ASB14: variants seen among roughly 807,000 people sequenced by gnomAD.
ASB14 encodes the protein ankyrin repeat and SOCS box protein 14.
Under a neutral mutation model 55.6 loss-of-function variants are expected in ASB14, and 63 were observed. The observed-to-expected ratio is 1.13, with a 90% CI of 0.92 to 1.40. ASB14 has a LOEUF of 1.40. Ranked by LOEUF, ASB14 falls within the 40% of genes most tolerant of loss-of-function variation. The pLI is 0.00. For synonymous variants in ASB14, 256 were observed against 259.9 expected, an observed-to-expected ratio of 0.98 and a Z score of 0.15; for missense variants, 724 against 710.4, an observed-to-expected ratio of 1.02 and a Z score of -0.22.
In ASB14 at chr3:57,288,032, G is replaced by C. The variant is rs1159276925; in HGVS notation, c.338C>G (p.Thr113Ser). ...AAGTGGCGTTTCACCATTGTGAGTG[G>C]TTTGCTCCCACAGACTGGGGTCTGA... ...SASDPSLWEQTTHNGETPLFL... is the reference protein window; with the variant it reads ...SASDPSLWEQSTHNGETPLFL... The change falls in exon 5 of 11, where the codon ACC becomes AGC. Residue 113 changes from threonine (T) to serine (S), a missense_variant. Transcript: ENST00000487349. 17 of 1,537,252 alleles carry C rather than the reference G, an allele frequency of 1.1e-5. No homozygotes were observed. The highest frequency in any genetic ancestry group is 5.9e-5 in the Admixed American group (3 of 50,992).
chr3:57,287,758 T>G, intron 5 of ASB14, 143 bp downstream of exon 5: 2 of 924,576 alleles, frequency 2.2e-6, no homozygotes, highest in Non-Finnish European at 1.6e-6. Context: ...ATGGAAAGCT[T>G]CTGGAGGGTC....
chr3:57,276,850 G>A, intron 9 of ASB14, 122 bp from the exon 10 acceptor site: 1 of 865,502 alleles, frequency 1.2e-6, no homozygotes, highest in East Asian at 2.6e-5. Context: ...AAAGTCAATA[G>A]GGAAACAGTT....
intron 6 of ASB14, among the ~76,000 whole-genome samples, chr3:57,281,586 A>G (rs1408688043): frequency 6.6e-6 from 1 of 152,182 alleles, no homozygotes; most frequent in Non-Finnish European, 1.5e-5. Context: ...AATGCCTTAG[A>G]AGTCCAATAA....
intron 10 of ASB14, among the ~76,000 whole-genome samples, chr3:57,276,072 C>A (rs1317360300): frequency 3.9e-5 from 6 of 152,008 alleles, no homozygotes; most frequent in African/African-American, 1.4e-4. Flanking sequence ...ATATATACTT[C>A]TCTATAAAAA....
Position 57,276,669 on chromosome 3 carries a change from AC to A in ASB14, c.1644del (p.Leu549TyrfsTer18). The A allele has an allele frequency of 6.2e-7, 1 of 1,614,142 alleles. No individual in the cohort carries two copies. Among genetic ancestry groups the A allele is most frequent in the Non-Finnish European group, 8.5e-7 (1 of 1,180,002 alleles). On this transcript the variant is annotated frameshift_variant, in exon 10 of 11. Transcript: ENST00000487349. LOFTEE classifies it high-confidence loss of function. The part of the protein sequence containing the change: ...CRLKIRKCMG[R>X]LHLRCPVFMS... Reference sequence around the variant, plus strand: ...ATGAAGACAGGGCAGCGCAAATGTAACCGTCCCATGCATTTCCGGATCTTTA... The same window carrying A: ...ATGAAGACAGGGCAGCGCAAATGTAACGTCCCATGCATTTCCGGATCTTTA...
At chr3:57,289,197 A>C in intron 2 of ASB14, 74 bp from the exon 3 acceptor site, 1 of 1,026,564 alleles carries the variant, frequency 9.7e-7, no homozygotes, top group Non-Finnish European at 1.5e-6. Flanking sequence ...AATCAAAAGG[A>C]AAGGGTAATG....
At chr3:57,272,331 A>G (rs2060947746) in intron 10 of ASB14, 1 of 152,184 alleles carries the variant, frequency 6.6e-6, no homozygotes, top group Non-Finnish European at 1.5e-5. Flanking sequence ...AAGCTAGTCT[A>G]GTTTTTGCCA....
At chr3:57,284,711 C>T (rs925163488) in intron 5 of ASB14, among the ~76,000 whole-genome samples, 1 of 152,182 alleles carries the variant, frequency 6.6e-6, no homozygotes, top group Non-Finnish European at 1.5e-5. Flanking sequence ...CAAGTACTAT[C>T]TTATAGACAA....
chr3:57,278,295 G>C, intron 8 of ASB14, 82 bp downstream of exon 8: 6 of 1,097,816 alleles, frequency 5.5e-6, no homozygotes, highest in Non-Finnish European at 8.0e-6. Flanking sequence ...TCTGGAGAGA[G>C]TGGATGTAAT....
At chr3:57,285,479 T>C (rs1159095206) in intron 5 of ASB14, among the ~76,000 whole-genome samples, 1 of 152,150 alleles carries the variant, frequency 6.6e-6, no homozygotes, top group Non-Finnish European at 1.5e-5. Flanking sequence ...ATTTAACTTT[T>C]TTTCCTCCTG....
intron 10 of ASB14, chr3:57,271,222 TCA>T (rs141358272): frequency 0.18 from 27,612 of 152,200 alleles, 2,794 homozygotes; most frequent in African/African-American, 0.25. Context: ...CTCAGCTGTT[TCA>T]CACTGTATAT....
At chr3:57,273,148 A>G (rs1045683580) in intron 10 of ASB14, 1 of 152,630 alleles carries the variant, frequency 6.6e-6, no homozygotes, top group African/African-American at 2.4e-5. Context: ...TTAATATGAG[A>G]CTGGGGGTTA....
intron 10 of ASB14, among the ~76,000 whole-genome samples, chr3:57,274,770 T>C (rs2060973903): frequency 6.6e-6 from 1 of 152,232 alleles, no homozygotes; most frequent in Admixed American, 6.5e-5. Context: ...AGCCTCTTCA[T>C]GTCCATTATC....
intron 1 of ASB14, among the ~76,000 whole-genome samples, 163 bp downstream of exon 1, chr3:57,292,470 A>C (rs1033266427): frequency 3.3e-5 from 5 of 152,254 alleles, no homozygotes; most frequent in African/African-American, 1.2e-4. Flanking sequence ...ATATACATTA[A>C]AAATAAACAT....
rs536528746 is a variant in ASB14, at chr3:57,284,854, C to T, written c.470-1415G>A. Among the ~76,000 whole-genome samples the T allele has an allele frequency of 5.9e-5, 9 of 151,774 alleles. No individual in the cohort carries two copies. The South Asian group carries it at 1.0e-3, about 18-fold the overall frequency. On this transcript the variant is annotated intron_variant, in intron 5 of 10. Coordinates refer to ENST00000487349, the MANE Select transcript of ASB14 (RefSeq NM_001142733.3). ...AGTGTTTTCTGTATAAAATGCAAAG[C>T]GTTAGCATCTTGGGACAAACCATGA...
At chr3:57,289,417 T>C (rs770535428) in intron 2 of ASB14, among the ~76,000 whole-genome samples, 3 of 152,212 alleles carry the variant, frequency 2.0e-5, no homozygotes, top group Non-Finnish European at 2.9e-5. Context: ...CAGCGTTGGC[T>C]GAACTGAATC....
intron 7 of ASB14, among the ~76,000 whole-genome samples, chr3:57,279,501 C>A (rs1451564188): frequency 1.3e-5 from 2 of 151,874 alleles, no homozygotes; most frequent in Non-Finnish European, 2.9e-5. Context: ...GAGATTGAGA[C>A]CATCCTGGCC....
At chr3:57,286,878 A>G (rs1359887675) in intron 5 of ASB14, among the ~76,000 whole-genome samples, 3 of 152,074 alleles carry the variant, frequency 2.0e-5, no homozygotes, top group African/African-American at 7.2e-5. Flanking sequence ...GGATCATCCA[A>G]CTAATTTTCA....
At chr3:57,291,674 T>A (rs1254343948) in intron 2 of ASB14, among the ~76,000 whole-genome samples, 1 of 152,246 alleles carries the variant, frequency 6.6e-6, no homozygotes, top group Non-Finnish European at 1.5e-5. Flanking sequence ...CCAGTCTGTA[T>A]CACCTCACCC....
Sources: gnomAD v4.1 joint callset for allele counts (sites outside exome capture counted in the v4.1 genomes callset) on GRCh38, gnomAD v4.1.1 for gene constraint, MANE v1.5 for transcripts, NCBI Gene and HGNC (gene_info 2026-07-23, HGNC 2026-07-21) for gene names.